Variants in AGTPBP1 observed in about 807,000 individuals in gnomAD.
AGTPBP1 encodes ATP/GTP binding carboxypeptidase 1.
AGTPBP1 carries 70 observed loss-of-function variants against 143.9 expected under a neutral mutation model. The ratio of observed to expected loss-of-function variants is 0.49; its 90% confidence interval spans 0.40 to 0.59. The LOEUF (loss-of-function observed/expected upper bound fraction) is 0.59, where lower values mean the gene tolerates loss of function less well. Ranked by LOEUF, AGTPBP1 falls within the 20% of genes least tolerant of loss-of-function variation. AGTPBP1 has a pLI of 0.00. For missense variants in AGTPBP1, 1,229 were observed against 1,464.5 expected (o/e 0.84, Z 2.62); for synonymous variants, 463 against 500.2 (o/e 0.93, Z 0.99).
intron 17 of AGTPBP1, among the ~76,000 whole-genome samples, chr9:85,613,519 C>T (rs1028740612): frequency 5.3e-5 from 8 of 151,478 alleles, no homozygotes; most frequent in Non-Finnish European, 7.4e-5. Flanking sequence ...ATGTCACTGA[C>T]ATAAAAATAT....
chr9:85,747,189 C>T, the AGTPBP1 span, among the ~76,000 whole-genome samples: 2 of 152,160 alleles, frequency 1.3e-5, no homozygotes, highest in South Asian at 2.1e-4. Context: ...CAACTGGCCA[C>T]AGATATATGG....
At chr9:85,749,382 G>A in the AGTPBP1 span, among the ~76,000 whole-genome samples, 2 of 152,072 alleles carry the variant, frequency 1.3e-5, no homozygotes, top group African/African-American at 4.8e-5. Context: ...TCCAGAAAAA[G>A]GAACAGACTT....
At chr9:85,572,643 A>C (rs911152628) in intron 25 of AGTPBP1, among the ~76,000 whole-genome samples, 3 of 152,238 alleles carry the variant, frequency 2.0e-5, no homozygotes, top group African/African-American at 7.2e-5. Flanking sequence ...ATAGTTGTGA[A>C]GTATTAGTAA....
intron 1 of AGTPBP1, chr9:85,741,158 A>G (rs1048048747): frequency 6.5e-6 from 6 of 929,834 alleles, no homozygotes; most frequent in Non-Finnish European, 1.3e-6. Context: ...GATCTGATTC[A>G]GGTTCAAACC....
At chr9:85,631,299 G>T (rs1831661792) in intron 14 of AGTPBP1, among the ~76,000 whole-genome samples, 2 of 152,228 alleles carry the variant, frequency 1.3e-5, no homozygotes, top group Admixed American at 6.5e-5. Context: ...CCCACCTCCT[G>T]GTTCCCAGGC....
At chr9:85,657,409 A>C (rs746032843) in intron 10 of AGTPBP1, 26 bp downstream of exon 10, 1 of 1,555,450 alleles carries the variant, frequency 6.4e-7, no homozygotes, top group South Asian at 1.1e-5. Context: ...GTACATAATC[A>C]CAATAATAAG....
chr9:85,742,244 G>A (rs570767938), upstream of AGTPBP1, among the ~76,000 whole-genome samples: 1 of 152,156 alleles, frequency 6.6e-6, no homozygotes, highest in East Asian at 1.9e-4. Context: ...CAGCAGCCCC[G>A]GCCACCGCCC....
chr9:85,565,249 C>G (rs1827008703), intron 25 of AGTPBP1, among the ~76,000 whole-genome samples: 1 of 151,914 alleles, frequency 6.6e-6, no homozygotes, highest in Non-Finnish European at 1.5e-5. Context: ...ATATACATTG[C>G]CTACAAATGA....
intron 2 of AGTPBP1, among the ~76,000 whole-genome samples, chr9:85,693,274 T>A (rs141326505): frequency 1.3e-5 from 2 of 152,282 alleles, no homozygotes; most frequent in Admixed American, 6.5e-5. Context: ...TCCACCTATG[T>A]TCTTTCTTCC....
At chr9:85,636,524 T>C (rs1029815238) in intron 13 of AGTPBP1, among the ~76,000 whole-genome samples, 2 of 152,174 alleles carry the variant, frequency 1.3e-5, no homozygotes, top group African/African-American at 2.4e-5. Context: ...CCCAAAGTGC[T>C]GGGATTACAG....
chr9:85,654,246 CT>C (rs1833350306), intron 11 of AGTPBP1, among the ~76,000 whole-genome samples: 1 of 152,058 alleles, frequency 6.6e-6, no homozygotes, highest in Non-Finnish European at 1.5e-5. Context: ...ACTACTTTCT[CT>C]TTTTCACTTT....
intron 13 of AGTPBP1, among the ~76,000 whole-genome samples, chr9:85,636,259 C>CT (rs35445993): frequency 0.18 from 21,548 of 118,284 alleles, 2,497 homozygotes; most frequent in East Asian, 0.42. Context: ...TGTAAGGTTT[C>CT]TTTTTTTTTT....
At chr9:85,658,904 C>G (rs1833692542) in intron 9 of AGTPBP1, among the ~76,000 whole-genome samples, 1 of 151,994 alleles carries the variant, frequency 6.6e-6, no homozygotes, top group African/African-American at 2.4e-5. Flanking sequence ...TTGTTTTGAC[C>G]AAGAAAAGCT....
intron 13 of AGTPBP1, among the ~76,000 whole-genome samples, chr9:85,637,044 T>G (rs1377405407): frequency 6.6e-6 from 1 of 151,122 alleles, no homozygotes; most frequent in Non-Finnish European, 1.5e-5. Flanking sequence ...CAAAAAGTTT[T>G]TTTTTTTTTT....
intron 17 of AGTPBP1, among the ~76,000 whole-genome samples, chr9:85,606,401 A>AG (rs911574681): frequency 6.6e-6 from 1 of 151,902 alleles, no homozygotes; most frequent in Non-Finnish European, 1.5e-5. Context: ...AGAAAAAAAA[A>AG]AAAAGATGTT....
chr9:85,556,034 C>T (rs1826317380), intron 25 of AGTPBP1, among the ~76,000 whole-genome samples: 1 of 152,044 alleles, frequency 6.6e-6, no homozygotes, highest in Admixed American at 6.5e-5. Flanking sequence ...CTATTGGGAA[C>T]TAGTCTTAGT....
At chr9:85,731,351 G>A (rs1838864951) in intron 1 of AGTPBP1, among the ~76,000 whole-genome samples, 1 of 152,056 alleles carries the variant, frequency 6.6e-6, no homozygotes, top group Non-Finnish European at 1.5e-5. Flanking sequence ...TGGGAAACTG[G>A]AACCCTCACA....
Position 85,586,927 on chromosome 9 carries a change from A to G in AGTPBP1, c.2937T>C (p.Asn979=). 2.5e-6 allele frequency: 4 copies of G among 1,613,996 alleles called. No individual in the cohort carries two copies. The highest frequency in any genetic ancestry group is 2.2e-5 in the East Asian group (1 of 44,842). ...HRCSLSGEDL[N]RQWQSPSPDL... Reference sequence around the variant, plus strand: ...CCGGACTTGGACTTTGCCACTGCCTATTCAAATCCTCTCCACTTAAAGAAC... The same window carrying G: ...CCGGACTTGGACTTTGCCACTGCCTGTTCAAATCCTCTCCACTTAAAGAAC... Residue 979 remains asparagine, a synonymous_variant, in exon 22 of 26, where the codon AAT becomes AAC. Coordinates refer to ENST00000357081, the MANE Select transcript of AGTPBP1 (RefSeq NM_001330701.2).
rs1482194849 is a variant in AGTPBP1 at position 85,682,669 on chromosome 9, C to A, written c.158-1334G>T. Among the ~76,000 whole-genome samples, 2 of 152,124 alleles carry A rather than the reference C, an allele frequency of 1.3e-5. 1 individual carries two copies. The highest frequency in any genetic ancestry group is 4.1e-4 in the South Asian group (2 of 4,826). On this transcript the variant is annotated intron_variant, in intron 3 of 25. Coordinates refer to ENST00000357081, the MANE Select transcript of AGTPBP1 (RefSeq NM_001330701.2). ...CACAATGAAGTTCAAAGGACTGATA[C>A]CAAATTCAATGTTCCACATGGAGAT...
Sources: allele counts gnomAD v4.1 joint callset (sites outside exome capture counted in the v4.1 genomes callset), GRCh38; gene constraint gnomAD v4.1.1; transcripts MANE v1.5; gene names NCBI Gene and HGNC (gene_info 2026-07-23, HGNC 2026-07-21).